Variants in TNIP1 observed in about 807,000 individuals in gnomAD.
The protein encoded by TNIP1 is TNFAIP3-interacting protein 1.
Under a neutral mutation model 86.6 loss-of-function variants are expected in TNIP1, and 22 were observed. The ratio of observed to expected loss-of-function variants is 0.25; its 90% CI spans 0.18 to 0.36. TNIP1 has a LOEUF of 0.36. Ranked by LOEUF, TNIP1 falls within the 10% of genes least tolerant of loss-of-function variation. The pLI, the probability that TNIP1 is intolerant of heterozygous loss-of-function variation, is 1.00. For missense variants in TNIP1, 709 were observed against 820.6 expected, an observed-to-expected ratio of 0.86 and a Z score of 1.66; for synonymous variants, 294 against 313.0, an observed-to-expected ratio of 0.94 and a Z score of 0.64.
At chr5:151,058,487 C>T (rs553507670) in intron 5 of TNIP1, among the ~76,000 whole-genome samples, 52 of 152,352 alleles carry the variant, frequency 3.4e-4, no homozygotes, top group African/African-American at 1.2e-3. Flanking sequence ...CGGCACTGGG[C>T]CCAGCTCCCC....
intron 8 of TNIP1, chr5:151,046,396 G>A (rs1759172983): frequency 1.3e-5 from 2 of 156,930 alleles, no homozygotes; most frequent in South Asian, 3.7e-4. Context: ...AAAAGTTGAA[G>A]TTATATAAAA....
intron 5 of TNIP1, among the ~76,000 whole-genome samples, chr5:151,058,845 C>T (rs1333886664): frequency 1.3e-5 from 2 of 152,200 alleles, no homozygotes; most frequent in Non-Finnish European, 1.5e-5. Flanking sequence ...TTTCCTGACT[C>T]GCCATCCAGT....
chr5:151,043,872 T>C (rs1255663556), intron 9 of TNIP1, among the ~76,000 whole-genome samples: 1 of 151,864 alleles, frequency 6.6e-6, no homozygotes, highest in African/African-American at 2.4e-5. Context: ...ACTCTTGATA[T>C]AACAATTCCT....
At chr5:151,034,564 A>C in intron 15 of TNIP1, 1 of 254,032 alleles carries the variant, frequency 3.9e-6, no homozygotes, top group Non-Finnish European at 7.3e-6. Flanking sequence ...TGATACATGG[A>C]AACGGAAGGC....
intron 17 of TNIP1, 170 bp downstream of exon 17, chr5:151,032,117 C>T: frequency 3.3e-6 from 2 of 608,204 alleles, no homozygotes; most frequent in Non-Finnish European, 5.8e-6. Context: ...GGTTTCAGCC[C>T]CCCTCACTCT....
chr5:151,074,207 C>T (rs922764773), intron 1 of TNIP1, among the ~76,000 whole-genome samples: 2 of 151,842 alleles, frequency 1.3e-5, no homozygotes, highest in African/African-American at 4.8e-5. Context: ...TAATCATGTG[C>T]TATTTGGTAA....
chr5:151,039,292 C>G, intron 11 of TNIP1, 67 bp from the exon 12 acceptor site: 1 of 1,532,174 alleles, frequency 6.5e-7, no homozygotes, highest in Non-Finnish European at 8.7e-7. Context: ...GATTCTCTGT[C>G]CTGCCTGGCC....
chr5:151,082,327 A>T (rs927439709), upstream of TNIP1, among the ~76,000 whole-genome samples: 4 of 152,180 alleles, frequency 2.6e-5, no homozygotes, highest in African/African-American at 9.7e-5. Flanking sequence ...TTATGCCTTG[A>T]TTCAGAAGGG....
chr5:151,055,298 A>C (rs944280674), intron 6 of TNIP1, among the ~76,000 whole-genome samples: 1 of 152,216 alleles, frequency 6.6e-6, no homozygotes, highest in Non-Finnish European at 1.5e-5. Context: ...CTAAGAAGGA[A>C]ATAAACAAGG....
chr5:151,060,121 C>G (rs925965042), intron 5 of TNIP1, among the ~76,000 whole-genome samples, 197 bp downstream of exon 5: 29 of 152,188 alleles, frequency 1.9e-4, no homozygotes, highest in African/African-American at 6.8e-4. Context: ...CCGTGTGCTC[C>G]AAGTCGGGGA....
In TNIP1 at chr5:151,060,366, A is replaced by G. The variant is rs748148839; in HGVS notation, c.387T>C (p.Thr129=). The stretch of plus-strand genomic sequence containing the variant: ...TCTCTGGTGAATTCTGCTCCTCAGG[A>G]GTGACCACTTCAAATTCAGAGGAGG... ...SGTSSEFEVV[T]PEEQNSPESS... The change falls in exon 5 of 18, where the codon ACT becomes ACC. Residue 129 remains threonine, a synonymous_variant. Transcript: ENST00000521591. The G allele has an allele frequency of 9.3e-6, 15 of 1,614,064 alleles. No homozygotes were observed. Among genetic ancestry groups the G allele is most frequent in the Non-Finnish European group, 1.1e-5 (13 of 1,180,040 alleles).
At chr5:151,072,203 G>A (rs74760113) in intron 1 of TNIP1, among the ~76,000 whole-genome samples, 2,451 of 152,274 alleles carry the variant, frequency 0.016, 75 homozygotes, top group African/African-American at 0.056. Context: ...GCCTGGAGAG[G>A]CGGCAGGCTG....
intron 9 of TNIP1, among the ~76,000 whole-genome samples, chr5:151,043,578 C>G (rs1192945010): frequency 6.6e-6 from 1 of 152,068 alleles, no homozygotes; most frequent in East Asian, 1.9e-4. Flanking sequence ...AGTTTGAGAC[C>G]AGCCTGGAGA....
intron 6 of TNIP1, among the ~76,000 whole-genome samples, chr5:151,053,107 T>C (rs539191847): frequency 5.2e-4 from 71 of 137,758 alleles, no homozygotes; most frequent in South Asian, 1.8e-3. Context: ...TTCTCTTTTT[T>C]TTTTTTTTTT....
Position 151,064,962 on chromosome 5 carries a change from A to G in TNIP1, c.134T>C (p.Leu45Ser). Reference protein sequence around the residue: ...LKEKMQGIKMLGELLEESQME... With the variant: ...LKEKMQGIKMSGELLEESQME... ...GGAGGGGACAGGGTCTGCTTTACCT[A>G]ACATCTTTATCCCTTGCATTTTTTC... The change falls in exon 2 of 18, where the codon TTA becomes TCA. Residue 45 changes from leucine to serine, a missense_variant and splice_region_variant. Coordinates refer to ENST00000521591, the MANE Select transcript of TNIP1 (RefSeq NM_006058.5). 1 of 1,614,094 alleles carries G rather than the reference A, an allele frequency of 6.2e-7. No individual in the cohort carries two copies.
chr5:151,034,315 G>T (rs886864338), intron 15 of TNIP1, among the ~76,000 whole-genome samples: 2 of 148,544 alleles, frequency 1.3e-5, no homozygotes, highest in East Asian at 2.0e-4. Context: ...GGCACAGAAG[G>T]CTAGGTACAT....
intron 5 of TNIP1, among the ~76,000 whole-genome samples, chr5:151,059,330 T>C (rs1032388088): frequency 6.6e-6 from 1 of 152,136 alleles, no homozygotes; most frequent in Non-Finnish European, 1.5e-5. Context: ...CGACAGAACA[T>C]AAAGAGCCTT....
At chr5:151,032,470 A>C in intron 16 of TNIP1, 87 bp from the exon 17 acceptor site, 1 of 1,278,158 alleles carries the variant, frequency 7.8e-7, no homozygotes, top group Middle Eastern at 2.2e-4. Flanking sequence ...CTAAATCTGT[A>C]TTAGTCAAGT....
Position 151,045,939 on chromosome 5 carries a change from C to T in TNIP1, c.858G>A (p.Thr286=), listed in dbSNP as rs2233298. The T allele has an allele frequency of 1.7e-4, 276 of 1,614,100 alleles. 1 individual carries two copies. In the African/African-American group the frequency reaches 3.3e-3, roughly 20 times the overall value. Residue 286 remains threonine, a synonymous_variant, in exon 9 of 18, where the codon ACG becomes ACA. Transcript: ENST00000521591. ...AVAGQQQASV[T]AGKVPEVVAL... ...CCACCACCTCTGGGACCTTACCTGC[C>T]GTCACACTAGCCTGGGGAGAAGCAC... is the stretch of plus-strand genomic sequence containing the variant.
Sources: allele counts gnomAD v4.1 joint callset (sites outside exome capture counted in the v4.1 genomes callset), GRCh38; gene constraint gnomAD v4.1.1; transcripts MANE v1.5; gene names NCBI Gene and HGNC (gene_info 2026-07-23, HGNC 2026-07-21).